The following ERBB4 variants were observed in gnomAD, a reference collection of about 807,000 sequenced individuals.
ERBB4 encodes erb-b2 receptor tyrosine kinase 4.
In ERBB4, 42 loss-of-function variants were observed where a neutral mutation model predicts 158.0. The observed-to-expected ratio is 0.27, with a 90% confidence interval of 0.21 to 0.34. The LOEUF is 0.34. Ranked by LOEUF, ERBB4 falls within the 10% of genes least tolerant of loss-of-function variation. ERBB4 has a pLI of 1.00. For synonymous variants in ERBB4, 583 were observed against 558.7 expected (o/e 1.04, Z -0.61); for missense variants, 1,333 against 1,624.1 (o/e 0.82, Z 3.08).
intron 12 of ERBB4, among the ~76,000 whole-genome samples, chr2:211,696,968 C>T (rs554088508): frequency 3.2e-4 from 49 of 152,274 alleles, no homozygotes; most frequent in African/African-American, 1.1e-3. Context: ...CCATGCCCGG[C>T]CAATATTTTC....
chr2:211,677,549 G>A (rs1028301124), intron 13 of ERBB4, among the ~76,000 whole-genome samples: 5 of 148,838 alleles, frequency 3.4e-5, no homozygotes, highest in Non-Finnish European at 7.4e-5. Flanking sequence ...GGCAACAGGA[G>A]CAAAACTTAG....
intron 20 of ERBB4, among the ~76,000 whole-genome samples, chr2:211,501,882 C>T (rs2065625211): frequency 6.6e-6 from 1 of 152,060 alleles, no homozygotes; most frequent in African/African-American, 2.4e-5. Flanking sequence ...CCTTCATGGG[C>T]TTGAGCAGTG....
At chr2:211,638,823 T>C (rs2070458274) in intron 16 of ERBB4, among the ~76,000 whole-genome samples, 1 of 152,160 alleles carries the variant, frequency 6.6e-6, no homozygotes, top group Non-Finnish European at 1.5e-5. Flanking sequence ...TTTCAAGTAG[T>C]TTCAGAGCAA....
At chr2:211,891,066 T>C (rs1458346175) in intron 3 of ERBB4, among the ~76,000 whole-genome samples, 1 of 44,188 alleles carries the variant, frequency 2.3e-5, no homozygotes, top group East Asian at 4.8e-4. Flanking sequence ...CTAATAGACA[T>C]CTACAGAACT....
At position 211,383,947 on chromosome 2, in the gene ERBB4, C is replaced by T. The variant is rs780519461; in HGVS notation, c.3595G>A (p.Glu1199Lys). ...AGTGGCTCATTCACATACTCATCCT[C>T]GGCCTTGGGTGGACCATTGGATGCA... is the stretch of plus-strand genomic sequence containing the variant. Reference protein sequence around the residue: ...HNASNGPPKAEDEYVNEPLYL... With the variant: ...HNASNGPPKAKDEYVNEPLYL... The change falls in exon 28 of 28, where the codon GAG becomes AAG. Residue 1199 changes from glutamate to lysine, a missense_variant. Coordinates refer to ENST00000342788, the MANE Select transcript of ERBB4 (RefSeq NM_005235.3). 39 of 1,613,886 alleles carry T rather than the reference C, an allele frequency of 2.4e-5. No homozygotes were observed. The highest frequency in any genetic ancestry group is 6.7e-5 in the Admixed American group (4 of 59,976).
chr2:212,490,618 A>C (rs1690222456), intron 1 of ERBB4, among the ~76,000 whole-genome samples: 2 of 151,866 alleles, frequency 1.3e-5, no homozygotes, highest in African/African-American at 2.4e-5. Context: ...TACAATCTGA[A>C]TAGTGTGTGA....
At chr2:211,866,494 C>A (rs774568861) in intron 3 of ERBB4, among the ~76,000 whole-genome samples, 2 of 151,892 alleles carry the variant, frequency 1.3e-5, no homozygotes, top group Non-Finnish European at 2.9e-5. Flanking sequence ...TATGCATGGG[C>A]CTTCAAATGA....
chr2:212,147,862 G>T (rs186450012), intron 1 of ERBB4, among the ~76,000 whole-genome samples: 4 of 152,214 alleles, frequency 2.6e-5, no homozygotes, highest in Admixed American at 2.0e-4. Flanking sequence ...ATTTGCAATT[G>T]TGGGGAGTTG....
At chr2:212,406,216 T>C (rs2091340131) in intron 1 of ERBB4, among the ~76,000 whole-genome samples, 1 of 152,156 alleles carries the variant, frequency 6.6e-6, no homozygotes, top group Non-Finnish European at 1.5e-5. Flanking sequence ...ACGTTGTACC[T>C]GTGTACCTGT....
chr2:212,158,638 C>T (rs2081113763), intron 1 of ERBB4, among the ~76,000 whole-genome samples: 1 of 151,972 alleles, frequency 6.6e-6, no homozygotes, highest in South Asian at 2.1e-4. Flanking sequence ...CTCTGGGCCA[C>T]TCACATCCCC....
intron 20 of ERBB4, among the ~76,000 whole-genome samples, chr2:211,513,377 C>CAACAACAAA (rs1553554075): frequency 9.5e-4 from 53 of 55,798 alleles, no homozygotes; most frequent in African/African-American, 2.5e-3. Context: ...AAAAAAAAAA[C>CAACAACAAA]AAAAAAAAAA....
intron 20 of ERBB4, among the ~76,000 whole-genome samples, chr2:211,538,319 C>T (rs537421077): frequency 1.1e-4 from 16 of 151,830 alleles, no homozygotes; most frequent in Non-Finnish European, 1.8e-4. Context: ...ATGTTATACA[C>T]GAATTTAATA....
chr2:212,224,509 G>T (rs11887256), intron 1 of ERBB4, among the ~76,000 whole-genome samples: 2 of 151,922 alleles, frequency 1.3e-5, no homozygotes, highest in Admixed American at 1.3e-4. Flanking sequence ...GCAAAAAAGG[G>T]AAAGGGGAGG....
chr2:212,023,669 G>A (rs771024063), intron 2 of ERBB4, among the ~76,000 whole-genome samples: 1 of 151,556 alleles, frequency 6.6e-6, no homozygotes, highest in African/African-American at 2.4e-5. Context: ...CAGACATATT[G>A]AAATGGATAA....
intron 1 of ERBB4, among the ~76,000 whole-genome samples, chr2:212,330,198 T>G (rs1336363269): frequency 6.8e-6 from 1 of 147,150 alleles, no homozygotes; most frequent in Admixed American, 7.0e-5. Context: ...CTCTGAAAAA[T>G]GAGGGGTTGT....
intron 1 of ERBB4, among the ~76,000 whole-genome samples, chr2:212,233,004 T>C (rs1248506590): frequency 6.6e-6 from 1 of 152,210 alleles, no homozygotes; most frequent in Non-Finnish European, 1.5e-5. Context: ...GCAATACTTA[T>C]TCCTGAATGC....
intron 1 of ERBB4, among the ~76,000 whole-genome samples, chr2:212,478,461 G>A (rs1474051585): frequency 6.6e-6 from 1 of 151,622 alleles, no homozygotes; most frequent in African/African-American, 2.4e-5. Flanking sequence ...CAAAAGTTAT[G>A]AATAAATATA....
chr2:211,738,811 T>C (rs1260264913), intron 5 of ERBB4, among the ~76,000 whole-genome samples: 1 of 151,018 alleles, frequency 6.6e-6, no homozygotes, highest in East Asian at 2.0e-4. Flanking sequence ...AGATTACAGG[T>C]GCTCACCACC....
At chr2:212,379,833 C>CTG (rs1019241636) in intron 1 of ERBB4, among the ~76,000 whole-genome samples, 22 of 149,102 alleles carry the variant, frequency 1.5e-4, no homozygotes, top group African/African-American at 5.1e-4. Flanking sequence ...GTGTGTGTGT[C>CTG]TGTGTGTGTG....
Sources: allele counts gnomAD v4.1 joint callset (sites outside exome capture counted in the v4.1 genomes callset), GRCh38; gene constraint gnomAD v4.1.1; transcripts MANE v1.5; gene names NCBI Gene and HGNC (gene_info 2026-07-23, HGNC 2026-07-21).